The following KIAA0586 variants were observed in gnomAD, a reference collection of about 807,000 sequenced individuals.
KIAA0586 encodes the protein protein TALPID3.
Under a neutral mutation model 169.8 loss-of-function variants are expected in KIAA0586, and 144 were observed. That is an observed-to-expected ratio of 0.85 (90% CI 0.74 to 0.97). The LOEUF is 0.97. Among genes scored for constraint, KIAA0586 ranks in the 50% least tolerant of loss-of-function variants. The pLI, the probability that KIAA0586 is intolerant of heterozygous loss-of-function variation, is 0.00. For synonymous variants in KIAA0586, 625 were observed against 612.4 expected (o/e 1.02, Z -0.30); for missense variants, 1,854 against 1,823.0 (o/e 1.02, Z -0.31).
In KIAA0586 at chr14:58,446,996, T is replaced by C. The variant is rs79888487; in HGVS notation, c.808-1344T>C. On this transcript the variant is annotated intron_variant, in intron 6 of 30. Transcript: ENST00000652326. ...TGGCTCCTACTTAGTCCTAAGTACT[T>C]ACCTGCCATCATCCATCCTTCCATA... Among the ~76,000 whole-genome samples the C allele has an allele frequency of 2.5e-4, 38 of 152,324 alleles. No individual in the cohort carries two copies. The East Asian group carries it at 7.3e-3, about 29-fold the overall frequency.
intron 8 of KIAA0586, among the ~76,000 whole-genome samples, chr14:58,452,461 TAAA>T: frequency 6.6e-6 from 1 of 152,290 alleles, no homozygotes; most frequent in South Asian, 2.1e-4. Flanking sequence ...AAATCTTTAA[TAAA>T]GAAGGCAACC....
In KIAA0586 at chr14:58,432,198, G is replaced by T. The variant is rs185039022; in HGVS notation, c.341-190G>T. 1.2e-3 allele frequency among the ~76,000 whole-genome samples: 187 copies of T among 152,284 alleles called. 1 individual carries two copies. Among genetic ancestry groups the T allele is most frequent in the African/African-American group, 3.4e-3 (140 of 41,552 alleles). The stretch of plus-strand genomic sequence containing the variant: ...TTGCCCGTTCAGTATGATGTTGGCT[G>T]TGGGTTTGGGATTATGAGGATTATA... On this transcript the variant is annotated intron_variant, in intron 3 of 30. Transcript: ENST00000652326.
At position 58,450,664 on chromosome 14, in the gene KIAA0586, AC is replaced by A; in HGVS notation, c.1049del (p.Pro350LeufsTer30). 1.2e-6 allele frequency: 2 copies of A among 1,609,504 alleles called. No homozygotes were observed. The highest frequency in any genetic ancestry group is 1.7e-6 in the Non-Finnish European group (2 of 1,175,918). On this transcript the variant is annotated frameshift_variant, in exon 8 of 31. Coordinates refer to ENST00000652326, the MANE Select transcript of KIAA0586 (RefSeq NM_001329943.3). LOFTEE classifies it high-confidence loss of function. ...TPAPRRFAPV[P>X]VSRDDELSKR... The stretch of plus-strand genomic sequence containing the variant: ...CAGCACCTCGCAGATTTGCTCCTGT[AC>A]CTGTTTCAAGGGATGATGAACTATC...
chr14:58,521,032 C>A, intron 29 of KIAA0586: 1 of 326,622 alleles, frequency 3.1e-6, no homozygotes. Context: ...GAAGAAAGGC[C>A]ATTTTGTGAA....
At position 58,456,040 on chromosome 14, in the gene KIAA0586, TGA is replaced by T. The variant is rs1566819055; in HGVS notation, c.1254-661_1254-660del. Among the ~76,000 whole-genome samples the T allele has an allele frequency of 5.3e-5, 8 of 151,734 alleles. No individual in the cohort carries two copies. In the East Asian group the frequency reaches 1.4e-3, roughly 26 times the overall value. On this transcript the variant is annotated intron_variant, in intron 9 of 30. Transcript: ENST00000652326. ...ATGTTAAACAATTGCCACCGTTTTT[TGA>T]AAAATGCCCTGGGGATACTTTCTCG... is the stretch of plus-strand genomic sequence containing the variant.
chr14:58,554,920 T>A (rs1482804800), downstream of KIAA0586, among the ~76,000 whole-genome samples: 1 of 152,124 alleles, frequency 6.6e-6, no homozygotes, highest in African/African-American at 2.4e-5. Context: ...TTTTTTTACC[T>A]TTCCTGAATG....
Position 58,461,125 on chromosome 14 carries a change from G to A in KIAA0586, c.2024G>A (p.Arg675Lys), listed in dbSNP as rs781781806. Reference protein sequence around the residue: ...LRFNSPSPKSRPQRPKVIERV... With the variant: ...LRFNSPSPKSKPQRPKVIERV... ...TTTAATTCTCCATCTCCTAAGTCCA[G>A]ACCACAGAGACCAAAAGTAATAGAA... The change falls in exon 14 of 31, where the codon AGA becomes AAA. Residue 675 changes from arginine (R) to lysine (K), a missense_variant. By Grantham distance (26) the Arg-to-Lys change is conservative (BLOSUM62 2). Coordinates refer to ENST00000652326, the MANE Select transcript of KIAA0586 (RefSeq NM_001329943.3). 2.1e-5 allele frequency: 34 copies of A among 1,596,310 alleles called. No individual in the cohort carries two copies. The highest frequency in any genetic ancestry group is 2.2e-5 in the Non-Finnish European group (26 of 1,174,008).
chr14:58,506,492 G>C (rs2141396565), intron 27 of KIAA0586, among the ~76,000 whole-genome samples: 1 of 151,850 alleles, frequency 6.6e-6, no homozygotes, highest in Admixed American at 6.5e-5. Context: ...TTCAAGACCA[G>C]CCTGGCCAAT....
chr14:58,507,838 G>A (rs2044112056), intron 27 of KIAA0586, among the ~76,000 whole-genome samples: 1 of 151,990 alleles, frequency 6.6e-6, no homozygotes. Context: ...AGACTGGAGT[G>A]CAGTGATGCG....
intron 29 of KIAA0586, among the ~76,000 whole-genome samples, chr14:58,538,580 T>A (rs1245695523): frequency 6.6e-6 from 1 of 152,146 alleles, no homozygotes; most frequent in East Asian, 1.9e-4. Context: ...AACAATCCAA[T>A]TATACTCAGT....
Position 58,512,573 on chromosome 14 carries a change from CAA to C in KIAA0586, c.4377_4378del (p.Ser1460LeufsTer5), listed in dbSNP as rs751356878. ...TAAGCAAGTTGAACACAAACCATCA[CAA>C]AGTTACCTACGTGTTAGAAATAAAT... ...DVKQVEHKPS[Q>X]SYLRVRNKSD... On this transcript the variant is annotated frameshift_variant, in exon 29 of 31. Transcript: ENST00000652326. LOFTEE classifies it high-confidence loss of function. The C allele has an allele frequency of 6.5e-7, 1 of 1,545,606 alleles. No individual in the cohort carries two copies. Among genetic ancestry groups the C allele is most frequent in the South Asian group, 1.3e-5 (1 of 79,436 alleles).
intron 29 of KIAA0586, chr14:58,521,976 C>T (rs1223562146): frequency 7.5e-6 from 10 of 1,338,054 alleles, no homozygotes; most frequent in African/African-American, 1.4e-5. Flanking sequence ...GCACCAATGG[C>T]GAAGATAACT....
the KIAA0586 span, among the ~76,000 whole-genome samples, chr14:58,559,442 G>C: frequency 8.5e-5 from 13 of 152,282 alleles, no homozygotes; most frequent in South Asian, 1.4e-3. Flanking sequence ...TCCTTTCAAA[G>C]TGTAAGTATT....
rs1206857746 is a variant in KIAA0586, at chr14:58,471,671, T to G, written c.2554-528T>G. On this transcript the variant is annotated intron_variant, in intron 17 of 30. Coordinates refer to ENST00000652326, the MANE Select transcript of KIAA0586 (RefSeq NM_001329943.3). ...TATTTTTTTTTAACCTTCTGTTTAT[T>G]GAAACTTCTGTGATAACAAGCAATA... Among the ~76,000 whole-genome samples the G allele has an allele frequency of 2.6e-5, 4 of 152,190 alleles. 1 individual carries two copies. Among genetic ancestry groups the G allele is most frequent in the Admixed American group, 2.6e-4 (4 of 15,278 alleles).
At chr14:58,468,025 T>C in intron 16 of KIAA0586, 103 bp downstream of exon 16, 2 of 672,944 alleles carry the variant, frequency 3.0e-6, no homozygotes, top group East Asian at 5.7e-5. Flanking sequence ...ATATTGCTTT[T>C]GATCATGACT....
Position 58,444,230 on chromosome 14 carries a change from C to T in KIAA0586, c.807+55C>T, listed in dbSNP as rs541212189. 1.6e-4 allele frequency: 175 copies of T among 1,128,406 alleles called. No individual in the cohort carries two copies. The Middle Eastern group carries it at 2.4e-3, about 16-fold the overall frequency. 69.9% of individuals were successfully genotyped at this position (1,128,406 alleles called of 1,614,324 possible). A position where few individuals can be genotyped will look rare whatever the true frequency, so the allele number is the denominator to read the frequency against. On this transcript the variant is annotated intron_variant, in intron 6 of 30. Transcript: ENST00000652326. Reference sequence around the variant, plus strand: ...ATAATCTTTTATCACTTGGATCTCTCAGCCAGTATTCATTGATAATTACAG... The same window carrying T: ...ATAATCTTTTATCACTTGGATCTCTTAGCCAGTATTCATTGATAATTACAG...
rs891297578 is a variant in KIAA0586, at chr14:58,551,151, T to A, written c.*3219T>A. 6.6e-6 allele frequency: 1 copy of A among 152,016 alleles called. No individual in the cohort carries two copies. Among genetic ancestry groups the A allele is most frequent in the African/African-American group, 2.4e-5 (1 of 41,366 alleles). The allele number at this position is 152,016 out of a possible 1,614,324, so 9.4% of individuals were successfully genotyped here. A position where few individuals can be genotyped will look rare whatever the true frequency, so the allele number is the denominator to read the frequency against. ...TGGCAACGAGCTGAGACTGCACCAC[T>A]TAACTCCAGCCTGGGCAACAGAGTA... On this transcript the variant is annotated 3_prime_UTR_variant, in exon 31 of 31. Coordinates refer to ENST00000652326, the MANE Select transcript of KIAA0586 (RefSeq NM_001329943.3).
At position 58,459,831 on chromosome 14, in the gene KIAA0586, G is replaced by T; in HGVS notation, c.1657-12G>T. 1 of 1,393,010 alleles carries T rather than the reference G, an allele frequency of 7.2e-7. No individual in the cohort carries two copies. 86.3% of individuals were successfully genotyped at this position (1,393,010 alleles called of 1,614,324 possible). ...AGACATTTTAAGTAATTTTAACTTT[G>T]GTTATGTTAAGGATGAACTGTCAAG... On this transcript the variant is annotated splice_polypyrimidine_tract_variant and intron_variant, in intron 12 of 30. Coordinates refer to ENST00000652326, the MANE Select transcript of KIAA0586 (RefSeq NM_001329943.3).
chr14:58,504,905 A>G (rs1385983230), intron 27 of KIAA0586, among the ~76,000 whole-genome samples: 1 of 152,150 alleles, frequency 6.6e-6, no homozygotes. Context: ...ATCTCATGTG[A>G]GGGTACGGAC....
Sources: gnomAD v4.1 joint callset for allele counts (sites outside exome capture counted in the v4.1 genomes callset) on GRCh38, gnomAD v4.1.1 for gene constraint, MANE v1.5 for transcripts, NCBI Gene and HGNC (gene_info 2026-07-23, HGNC 2026-07-21) for gene names.